COL19A1: variants seen among roughly 807,000 people sequenced by gnomAD.
COL19A1 encodes collagen type XIX alpha 1 chain.
Under a neutral mutation model 190.2 loss-of-function variants are expected in COL19A1, and 159 were observed. The observed-to-expected ratio is 0.84, with a 90% CI of 0.73 to 0.95. COL19A1 has a LOEUF of 0.95. Ranked by LOEUF, COL19A1 falls within the 40% of genes least tolerant of loss-of-function variation. The probability of loss-of-function intolerance (pLI) is 0.00; values close to 1 mark genes in which losing one functional copy is unlikely to be tolerated. For missense variants in COL19A1, 1,418 were observed against 1,431.9 expected (o/e 0.99, Z 0.16); for synonymous variants, 509 against 458.9 (o/e 1.11, Z -1.39).
chr6:69,923,118 C>T (rs943097543), intron 4 of COL19A1, among the ~76,000 whole-genome samples: 1 of 152,026 alleles, frequency 6.6e-6, no homozygotes, highest in East Asian at 1.9e-4. Flanking sequence ...TTTCAGAAAA[C>T]CTACTCCTCA....
chr6:70,187,330 G>GAA (rs1766591145), intron 46 of COL19A1, among the ~76,000 whole-genome samples: 2 of 93,140 alleles, frequency 2.1e-5, no homozygotes, highest in Non-Finnish European at 4.9e-5. Context: ...CACTCAACGT[G>GAA]CACACACACA....
chr6:69,900,351 T>C lies in COL19A1; in HGVS notation c.266+13T>C, dbSNP rs1041364161. The C allele has an allele frequency of 7.7e-7, 1 of 1,301,032 alleles. No homozygotes were observed. Among genetic ancestry groups the C allele is most frequent in the Non-Finnish European group, 1.1e-6 (1 of 943,814 alleles). 80.6% of individuals were successfully genotyped at this position (1,301,032 alleles called of 1,614,324 possible). On this transcript the variant is annotated intron_variant, in intron 4 of 50. Coordinates refer to ENST00000620364, the MANE Select transcript of COL19A1 (RefSeq NM_001858.6). ...TTAGAGACACTATGTAAGTAAAAAA[T>C]TATTTTCTTTATGTTTAATAATACT...
intron 15 of COL19A1, among the ~76,000 whole-genome samples, chr6:70,101,403 G>A (rs897393293): frequency 6.6e-6 from 1 of 152,082 alleles, no homozygotes; most frequent in South Asian, 2.1e-4. Context: ...TTAGATTCAC[G>A]GGTACTTAGA....
intron 2 of COL19A1, among the ~76,000 whole-genome samples, chr6:69,894,046 T>C (rs1244335474): frequency 6.6e-6 from 1 of 151,968 alleles, no homozygotes; most frequent in African/African-American, 2.4e-5. Flanking sequence ...CATGCCTCTC[T>C]AAAAATATAT....
At chr6:70,203,120 C>T (rs1036373178) in intron 49 of COL19A1, among the ~76,000 whole-genome samples, 5 of 152,176 alleles carry the variant, frequency 3.3e-5, no homozygotes, top group African/African-American at 7.2e-5. Context: ...TCCTAACAGA[C>T]GTTATTCTTT....
At chr6:70,137,781 T>C in intron 19 of COL19A1, 34 bp downstream of exon 19, 1 of 1,602,708 alleles carries the variant, frequency 6.2e-7, no homozygotes, top group South Asian at 1.1e-5. Context: ...AGAGGAAGAA[T>C]ATCTAAAAAA....
rs138415265 is a variant in COL19A1 at position 70,147,093 on chromosome 6, T to C, written c.1893+204T>C. ...TGTTTGTTTATTAACTTACAGATGC[T>C]GGTCACACATACACTAAGTTTGGAT... On this transcript the variant is annotated intron_variant, in intron 27 of 50. Coordinates refer to ENST00000620364, the MANE Select transcript of COL19A1 (RefSeq NM_001858.6). Among the ~76,000 whole-genome samples, 646 of 152,306 alleles carry C rather than the reference T, an allele frequency of 4.2e-3. 3 individuals carry two copies. The highest frequency in any genetic ancestry group is 0.013 in the African/African-American group (535 of 41,576).
intron 12 of COL19A1, among the ~76,000 whole-genome samples, chr6:70,033,681 A>T (rs1779194501): frequency 6.6e-6 from 1 of 152,284 alleles, no homozygotes; most frequent in African/African-American, 2.4e-5. Context: ...TTCATTTGAC[A>T]TCTTTATAAA....
intron 1 of COL19A1, among the ~76,000 whole-genome samples, chr6:69,867,177 G>C (rs1267466542): frequency 1.3e-5 from 2 of 151,984 alleles, no homozygotes; most frequent in Non-Finnish European, 2.9e-5. Context: ...CGGGGTTCCG[G>C]TGCGGTGCCC....
In COL19A1 at chr6:70,208,457, C is replaced by T. The variant is rs966883365; in HGVS notation, c.*1183C>T. On this transcript the variant is annotated 3_prime_UTR_variant, in exon 51 of 51. Transcript: ENST00000620364. ...GTGCTCAGACCAAAGAGTTCACACC[C>T]ACTCTAAAACCATGTCCTCTGAAAA... 3 of 152,222 alleles carry T rather than the reference C, an allele frequency of 2.0e-5. No homozygotes were observed. The highest frequency in any genetic ancestry group is 7.2e-5 in the African/African-American group (3 of 41,440). The allele number at this position is 152,222 out of a possible 1,614,324, so 9.4% of individuals were successfully genotyped here.
intron 9 of COL19A1, 32 bp from the exon 10 acceptor site, chr6:69,959,964 A>T (rs1423367177): frequency 1.9e-6 from 3 of 1,600,004 alleles, no homozygotes; most frequent in South Asian, 2.2e-5. Context: ...ATCTTTATGG[A>T]TCATAAACAT....
chr6:70,091,321 A>G (rs376161761), intron 15 of COL19A1, among the ~76,000 whole-genome samples: 2 of 152,142 alleles, frequency 1.3e-5, no homozygotes, highest in Non-Finnish European at 1.5e-5. Flanking sequence ...ATGAATAAAT[A>G]TGTGTAAGTT....
intron 16 of COL19A1, among the ~76,000 whole-genome samples, chr6:70,108,232 A>G (rs1393933409): frequency 2.0e-5 from 3 of 152,206 alleles, no homozygotes; most frequent in Non-Finnish European, 4.4e-5. Context: ...ATTAAAAACC[A>G]CACTAATTTA....
intron 4 of COL19A1, among the ~76,000 whole-genome samples, chr6:69,916,408 G>A (rs1056880051): frequency 6.6e-6 from 1 of 152,148 alleles, no homozygotes; most frequent in African/African-American, 2.4e-5. Context: ...ATGATCTAAG[G>A]AATTAGAGAG....
At position 69,984,922 on chromosome 6, in the gene COL19A1, T is replaced by G. The variant is rs573102859; in HGVS notation, c.1026+22052T>G. On this transcript the variant is annotated intron_variant, in intron 11 of 50. Coordinates refer to ENST00000620364, the MANE Select transcript of COL19A1 (RefSeq NM_001858.6). The stretch of plus-strand genomic sequence containing the variant: ...AGGAGATTGATAATTTTCTTCATTT[T>G]AAAGAAATAATTAATGCAAATGTAA... Among the ~76,000 whole-genome samples the G allele has an allele frequency of 3.3e-5, 5 of 152,298 alleles. No homozygotes were observed. In the South Asian group the frequency reaches 8.3e-4, roughly 25 times the overall value.
intron 2 of COL19A1, among the ~76,000 whole-genome samples, chr6:69,881,638 T>G (rs946471107): frequency 6.6e-6 from 1 of 152,252 alleles, no homozygotes; most frequent in African/African-American, 2.4e-5. Flanking sequence ...TGAATTAATC[T>G]TTTGAAAGAT....
intron 4 of COL19A1, among the ~76,000 whole-genome samples, chr6:69,914,138 A>T (rs1438403904): frequency 6.6e-6 from 1 of 152,130 alleles, no homozygotes; most frequent in African/African-American, 2.4e-5. Context: ...AACTAGTGCT[A>T]ATCAGATCAG....
rs1038126433 is a variant in COL19A1, at chr6:70,181,428, G to A, written c.2775+905G>A. 9.2e-5 allele frequency among the ~76,000 whole-genome samples: 14 copies of A among 152,138 alleles called. No homozygotes were observed. The East Asian group carries it at 2.5e-3, about 27-fold the overall frequency. ...AAAGCATTTCCAGTGCCTGGCTATG[G>A]GAGGTACTCAATAATATTAGTTTCA... On this transcript the variant is annotated intron_variant, in intron 44 of 50. Coordinates refer to ENST00000620364, the MANE Select transcript of COL19A1 (RefSeq NM_001858.6).
At chr6:69,957,021 T>G (rs1299368247) in intron 9 of COL19A1, among the ~76,000 whole-genome samples, 1 of 152,118 alleles carries the variant, frequency 6.6e-6, no homozygotes, top group African/African-American at 2.4e-5. Context: ...ATTTGCAATT[T>G]TTTTGTTTCC....
Sources: gnomAD v4.1 joint callset for allele counts (sites outside exome capture counted in the v4.1 genomes callset) on GRCh38, gnomAD v4.1.1 for gene constraint, MANE v1.5 for transcripts, NCBI Gene and HGNC (gene_info 2026-07-23, HGNC 2026-07-21) for gene names.